The following TSHZ2 variants were observed in gnomAD, a reference collection of about 807,000 sequenced individuals.
The protein encoded by TSHZ2 is teashirt zinc finger homeobox 2, also known as teashirt homolog 2.
In TSHZ2, 21 loss-of-function variants were observed where a neutral mutation model predicts 74.4. The ratio of observed to expected loss-of-function variants is 0.28; its 90% confidence interval spans 0.20 to 0.41. The LOEUF is 0.41. Ranked by LOEUF, TSHZ2 falls within the 10% of genes least tolerant of loss-of-function variation. The pLI is 1.00. For synonymous variants in TSHZ2, 540 were observed against 515.3 expected (o/e 1.05, Z -0.65); for missense variants, 1,244 against 1,293.5 (o/e 0.96, Z 0.59).
At chr20:53,049,526 G>T (rs889435816) in intron 1 of TSHZ2, among the ~76,000 whole-genome samples, 2 of 152,096 alleles carry the variant, frequency 1.3e-5, no homozygotes, top group African/African-American at 4.8e-5. Context: ...TCTTTAATTT[G>T]ATTTTTCAGA....
chr20:53,092,268 G>T (rs901144633), intron 1 of TSHZ2, among the ~76,000 whole-genome samples: 1 of 152,074 alleles, frequency 6.6e-6, no homozygotes, highest in African/African-American at 2.4e-5. Context: ...ACCATTCTGT[G>T]TTGTCACATC....
At chr20:53,300,013 C>A (rs1156834426) in intron 2 of TSHZ2, among the ~76,000 whole-genome samples, 1 of 152,198 alleles carries the variant, frequency 6.6e-6, no homozygotes, top group Non-Finnish European at 1.5e-5. Flanking sequence ...AATTCCCTGC[C>A]AGGGACTTAT....
intron 2 of TSHZ2, among the ~76,000 whole-genome samples, chr20:53,323,503 T>C (rs1979358095): frequency 1.3e-5 from 2 of 151,526 alleles, no homozygotes; most frequent in South Asian, 4.2e-4. Context: ...GATGACTTGG[T>C]TTCAGTTCTA....
intron 1 of TSHZ2, among the ~76,000 whole-genome samples, chr20:53,231,607 C>T (rs758792155): frequency 1.3e-5 from 2 of 152,140 alleles, no homozygotes; most frequent in African/African-American, 2.4e-5. Flanking sequence ...AGTCATTCAA[C>T]ATATATACAC....
chr20:53,478,262 C>CA (rs1211591140), intron 2 of TSHZ2, among the ~76,000 whole-genome samples: 21 of 150,816 alleles, frequency 1.4e-4, no homozygotes, highest in African/African-American at 4.6e-4. Flanking sequence ...GGAACCAACC[C>CA]AAATGTCCAA....
intron 1 of TSHZ2, among the ~76,000 whole-genome samples, chr20:53,199,135 C>G (rs950026443): frequency 1.3e-5 from 2 of 152,144 alleles, no homozygotes; most frequent in Non-Finnish European, 2.9e-5. Context: ...CAGAGCCTGA[C>G]GTAGAGCCAA....
chr20:53,189,945 G>A (rs1466463009), intron 1 of TSHZ2, among the ~76,000 whole-genome samples: 2 of 150,022 alleles, frequency 1.3e-5, no homozygotes, highest in Admixed American at 6.7e-5. Context: ...TTAGCTGAGC[G>A]TGATGGCACA....
intron 1 of TSHZ2, among the ~76,000 whole-genome samples, chr20:53,103,395 CAAAATT>C (rs914691295): frequency 6.6e-6 from 1 of 152,110 alleles, no homozygotes; most frequent in African/African-American, 2.4e-5. Context: ...TCTAATTTCA[CAAAATT>C]AAAATAAGCC....
chr20:53,213,463 G>C (rs562313634), intron 1 of TSHZ2, among the ~76,000 whole-genome samples: 4 of 152,192 alleles, frequency 2.6e-5, no homozygotes, highest in African/African-American at 9.6e-5. Context: ...TGACTGCATG[G>C]CTGATTAAAC....
chr20:53,444,728 C>A (rs1293037326), intron 2 of TSHZ2, among the ~76,000 whole-genome samples: 5 of 152,204 alleles, frequency 3.3e-5, no homozygotes, highest in African/African-American at 1.2e-4. Context: ...GCCCTGTAAC[C>A]TTTGGTGTGT....
intron 1 of TSHZ2, among the ~76,000 whole-genome samples, chr20:53,115,662 G>A (rs1986649404): frequency 6.6e-6 from 1 of 152,164 alleles, no homozygotes; most frequent in Non-Finnish European, 1.5e-5. Context: ...GAGAATGGTA[G>A]TGAGGTGCAG....
intron 2 of TSHZ2, among the ~76,000 whole-genome samples, chr20:53,413,876 T>C (rs979690321): frequency 2.0e-5 from 3 of 152,182 alleles, no homozygotes; most frequent in Non-Finnish European, 4.4e-5. Context: ...ATAATATTAA[T>C]ATAGCCAGTA....
chr20:53,423,972 G>A (rs1983573081), intron 2 of TSHZ2, among the ~76,000 whole-genome samples: 1 of 152,188 alleles, frequency 6.6e-6, no homozygotes. Context: ...CGACGCGCAG[G>A]ACAGCCCAGC....
intron 1 of TSHZ2, among the ~76,000 whole-genome samples, chr20:52,994,476 A>G (rs79029224): frequency 3.4e-5 from 4 of 118,990 alleles, no homozygotes; most frequent in South Asian, 2.5e-4. Flanking sequence ...ATGGATGAAT[A>G]AATGAATGCA....
intron 2 of TSHZ2, among the ~76,000 whole-genome samples, chr20:53,370,226 A>G (rs1038714028): frequency 2.6e-5 from 4 of 152,166 alleles, no homozygotes; most frequent in Non-Finnish European, 5.9e-5. Context: ...CGACGAGGGC[A>G]TGAAGGACAT....
chr20:53,159,582 A>G (rs1000689480), intron 1 of TSHZ2, among the ~76,000 whole-genome samples: 6 of 152,324 alleles, frequency 3.9e-5, no homozygotes, highest in African/African-American at 1.2e-4. Context: ...TATTCTTCCC[A>G]TGACTGCAAC....
chr20:52,978,452 G>C (rs1036750723), intron 1 of TSHZ2, among the ~76,000 whole-genome samples: 1 of 152,036 alleles, frequency 6.6e-6, no homozygotes, highest in Non-Finnish European at 1.5e-5. Context: ...GAATGTCATG[G>C]TCTGGGAAGA....
intron 2 of TSHZ2, among the ~76,000 whole-genome samples, chr20:53,291,830 G>A (rs1022512307): frequency 4.6e-5 from 7 of 152,100 alleles, no homozygotes; most frequent in African/African-American, 9.7e-5. Flanking sequence ...AAAGCCCTAC[G>A]TTGGTACATT....
intron 1 of TSHZ2, among the ~76,000 whole-genome samples, chr20:53,070,631 C>A (rs1985140172): frequency 6.6e-6 from 1 of 152,064 alleles, no homozygotes; most frequent in African/African-American, 2.4e-5. Context: ...CCAAGAGGCA[C>A]ATACAGTGAT....
Sources: allele counts gnomAD v4.1 joint callset (sites outside exome capture counted in the v4.1 genomes callset), GRCh38; gene constraint gnomAD v4.1.1; transcripts MANE v1.5; gene names NCBI Gene and HGNC (gene_info 2026-07-23, HGNC 2026-07-21).